The following GRIN2B variants were observed in gnomAD, a reference collection of about 807,000 sequenced individuals.
The protein encoded by GRIN2B is glutamate receptor ionotropic, NMDA 2B.
GRIN2B carries 5 observed loss-of-function variants against 114.5 expected under a neutral mutation model. That is an observed-to-expected ratio of 0.04 (90% CI 0.02 to 0.09). The LOEUF is 0.09. GRIN2B is among the 10% of genes least tolerant of loss of function. The probability of loss-of-function intolerance (pLI) is 1.00; values close to 1 mark genes in which losing one functional copy is unlikely to be tolerated. For missense variants in GRIN2B, 1,108 were observed against 1,943.5 expected, an observed-to-expected ratio of 0.57 and a Z score of 8.08; for synonymous variants, 787 against 745.1, an observed-to-expected ratio of 1.06 and a Z score of -0.92.
intron 10 of GRIN2B, among the ~76,000 whole-genome samples, chr12:13,572,489 C>A (rs190269850): frequency 4.6e-4 from 70 of 152,212 alleles, no homozygotes; most frequent in African/African-American, 1.4e-3. Flanking sequence ...TTTCTTTTGA[C>A]CTTCCCTGAT....
chr12:13,889,818 T>C (rs571569767), intron 2 of GRIN2B, among the ~76,000 whole-genome samples: 1 of 152,300 alleles, frequency 6.6e-6, no homozygotes, highest in African/African-American at 2.4e-5. Context: ...TTTTCACAAG[T>C]AGATCTGAGC....
At chr12:13,911,495 C>T (rs903067304) in intron 2 of GRIN2B, among the ~76,000 whole-genome samples, 13 of 152,334 alleles carry the variant, frequency 8.5e-5, no homozygotes, top group Middle Eastern at 6.8e-3. Context: ...TGTGTCAATA[C>T]TCATTATTCT....
intron 4 of GRIN2B, among the ~76,000 whole-genome samples, chr12:13,737,109 A>G (rs1863198711): frequency 6.6e-6 from 1 of 152,008 alleles, no homozygotes; most frequent in Non-Finnish European, 1.5e-5. Context: ...CAAAAGAGGA[A>G]CATGCATTAT....
At chr12:13,633,637 G>C (rs1185036601) in intron 5 of GRIN2B, among the ~76,000 whole-genome samples, 1 of 152,214 alleles carries the variant, frequency 6.6e-6, no homozygotes, top group Non-Finnish European at 1.5e-5. Context: ...GAGAGCTCAT[G>C]CCAAACTAAT....
At position 13,619,590 on chromosome 12, in the gene GRIN2B, T is replaced by C. The variant is rs1319701633; in HGVS notation, c.1126-2933A>G. Among the ~76,000 whole-genome samples the C allele has an allele frequency of 3.3e-5, 5 of 152,326 alleles. No individual in the cohort carries two copies. In the South Asian group the frequency reaches 8.3e-4, roughly 25 times the overall value. ...AGCTGGGTAATATCCTTACTTCAAG[T>C]CCATTCATTTCAACCACCAACCACT... On this transcript the variant is annotated intron_variant, in intron 5 of 13. Coordinates refer to ENST00000609686, the MANE Select transcript of GRIN2B (RefSeq NM_000834.5).
chr12:13,575,174 T>C (rs1471383287), intron 10 of GRIN2B, among the ~76,000 whole-genome samples: 2 of 151,846 alleles, frequency 1.3e-5, no homozygotes, highest in African/African-American at 4.8e-5. Context: ...AAAAGCACAA[T>C]CCACCAAAAA....
intron 5 of GRIN2B, 78 bp downstream of exon 5, chr12:13,675,667 A>C: frequency 3.5e-6 from 3 of 849,036 alleles, no homozygotes; most frequent in Non-Finnish European, 6.2e-6. Flanking sequence ...AAGCCAAAGG[A>C]CTACTTTCCT....
chr12:13,673,211 TTA>T (rs1384909729), intron 5 of GRIN2B, among the ~76,000 whole-genome samples: 124 of 152,170 alleles, frequency 8.1e-4, no homozygotes, highest in African/African-American at 2.9e-3. Context: ...CAAAGGATGG[TTA>T]TGATTATATA....
chr12:13,912,697 G>T (rs1390398912), intron 2 of GRIN2B, among the ~76,000 whole-genome samples: 1 of 152,070 alleles, frequency 6.6e-6, no homozygotes, highest in Admixed American at 6.6e-5. Context: ...TTTTTTTTCA[G>T]TATGACTAGA....
At chr12:13,922,376 C>G (rs1357885649) in intron 2 of GRIN2B, among the ~76,000 whole-genome samples, 2 of 152,130 alleles carry the variant, frequency 1.3e-5, no homozygotes, top group African/African-American at 2.4e-5. Context: ...ATGTTTTGGC[C>G]ACATGGCAGT....
chr12:13,839,041 C>G (rs145280690), intron 3 of GRIN2B, among the ~76,000 whole-genome samples: 3 of 152,186 alleles, frequency 2.0e-5, no homozygotes, highest in African/African-American at 7.2e-5. Context: ...CACCCATTCA[C>G]TCTGCCAACA....
At chr12:13,736,848 C>T (rs148947352) in intron 4 of GRIN2B, among the ~76,000 whole-genome samples, 3,599 of 151,848 alleles carry the variant, frequency 0.024, 149 homozygotes, top group African/African-American at 0.083. Flanking sequence ...GGTGAAACCC[C>T]ATTTCTACTA....
chr12:13,547,981 A>ATATATATATATATATTTTTTTT lies in GRIN2B; in HGVS notation c.*14801_*14802insAAAAAAAATATATATATATATA. 5.8e-5 allele frequency: 4 copies of ATATATATATATATATTTTTTTT among 68,592 alleles called. No homozygotes were observed. Among genetic ancestry groups the ATATATATATATATATTTTTTTT allele is most frequent in the South Asian group, 1.5e-3 (2 of 1,378 alleles). The allele number at this position is 68,592 out of a possible 1,614,324, so 4.2% of individuals were successfully genotyped here. ...TGTGTATATATATATATATATATAT[A>ATATATATATATATATTTTTTTT]TTTTTTTTTTTTTTCTGAAAGCTAC... On this transcript the variant is annotated 3_prime_UTR_variant, in exon 14 of 14. Coordinates refer to ENST00000609686, the MANE Select transcript of GRIN2B (RefSeq NM_000834.5).
chr12:13,797,890 T>G (rs568033925), intron 3 of GRIN2B, among the ~76,000 whole-genome samples: 1 of 152,364 alleles, frequency 6.6e-6, no homozygotes, highest in African/African-American at 2.4e-5. Context: ...TGCTTTCTGC[T>G]CTTATTACAG....
At chr12:13,867,998 G>T (rs1392666479) in intron 2 of GRIN2B, among the ~76,000 whole-genome samples, 1 of 152,100 alleles carries the variant, frequency 6.6e-6, no homozygotes, top group South Asian at 2.1e-4. Context: ...TTCGAGTTGA[G>T]CAGTCAGTCT....
intron 10 of GRIN2B, among the ~76,000 whole-genome samples, chr12:13,607,264 AAT>A (rs1236634214): frequency 2.5e-4 from 9 of 36,518 alleles, no homozygotes; most frequent in Admixed American, 6.0e-4. Context: ...TATTATATAT[AAT>A]ATATAAAATA....
At chr12:13,719,834 G>A (rs539833359) in intron 4 of GRIN2B, among the ~76,000 whole-genome samples, 14 of 152,098 alleles carry the variant, frequency 9.2e-5, no homozygotes, top group South Asian at 6.2e-4. Context: ...AATCACTCTC[G>A]TTACTTGGTG....
chr12:13,832,977 T>C (rs146200235), intron 3 of GRIN2B, among the ~76,000 whole-genome samples: 1 of 152,164 alleles, frequency 6.6e-6, no homozygotes, highest in East Asian at 1.9e-4. Context: ...GTCATTCTGA[T>C]GAATAAAACA....
In GRIN2B at chr12:13,557,127, G is replaced by A. The variant is rs1398945543; in HGVS notation, c.*5656C>T. 2 of 152,116 alleles carry A rather than the reference G, an allele frequency of 1.3e-5. No homozygotes were observed. The highest frequency in any genetic ancestry group is 6.5e-5 in the Admixed American group (1 of 15,278). The allele number at this position is 152,116 out of a possible 1,614,324, so 9.4% of individuals were successfully genotyped here. A position where few individuals can be genotyped will look rare whatever the true frequency, so the allele number is the denominator to read the frequency against. ...ACTGTGTGACTGAATCAATGTGGTT[G>A]GAATGAGTTGAGGGTGGGATGTTCT... On this transcript the variant is annotated 3_prime_UTR_variant, in exon 14 of 14. Transcript: ENST00000609686.
Sources: gnomAD v4.1 joint callset for allele counts (sites outside exome capture counted in the v4.1 genomes callset) on GRCh38, gnomAD v4.1.1 for gene constraint, MANE v1.5 for transcripts, NCBI Gene and HGNC (gene_info 2026-07-23, HGNC 2026-07-21) for gene names.